DLC1: variants seen among roughly 807,000 people sequenced by gnomAD.
DLC1 encodes the protein rho GTPase-activating protein 7.
Under a neutral mutation model 140.3 loss-of-function variants are expected in DLC1, and 54 were observed. That is an observed-to-expected ratio of 0.38 (90% CI 0.31 to 0.48). DLC1 has a LOEUF of 0.48. Among genes scored for constraint, DLC1 ranks in the 20% least tolerant of loss-of-function variants. The pLI is 0.96. For synonymous variants in DLC1, 986 were observed against 728.1 expected (o/e 1.35, Z -5.70); for missense variants, 2,536 against 1,907.0 (o/e 1.33, Z -6.14).
intron 2 of DLC1, among the ~76,000 whole-genome samples, chr8:13,469,861 A>T (rs1236132314): frequency 6.6e-6 from 1 of 152,212 alleles, no homozygotes; most frequent in East Asian, 1.9e-4. Flanking sequence ...GAGAAAGCAC[A>T]TATTATGAAG....
chr8:13,224,695 C>G (rs993751739), intron 5 of DLC1, among the ~76,000 whole-genome samples: 1 of 152,156 alleles, frequency 6.6e-6, no homozygotes, highest in Admixed American at 6.5e-5. Context: ...CTAAACAATA[C>G]TTCCCCTCTC....
chr8:13,511,765 T>C (rs1255185849), intron 1 of DLC1, among the ~76,000 whole-genome samples: 1 of 152,160 alleles, frequency 6.6e-6, no homozygotes, highest in Non-Finnish European at 1.5e-5. Context: ...ATCCCTGATC[T>C]AGATCTTGGT....
At chr8:13,542,228 C>G (rs1177559977) in intron 1 of DLC1, among the ~76,000 whole-genome samples, 1 of 152,136 alleles carries the variant, frequency 6.6e-6, no homozygotes, top group African/African-American at 2.4e-5. Flanking sequence ...TATTTAGAGA[C>G]TGTCTGTGGT....
chr8:13,451,127 G>A (rs1234341904), intron 2 of DLC1, among the ~76,000 whole-genome samples: 1 of 140,632 alleles, frequency 7.1e-6, no homozygotes, highest in Non-Finnish European at 1.5e-5. Flanking sequence ...ACGAAATAAA[G>A]TAAGAGTAAA....
intron 2 of DLC1, among the ~76,000 whole-genome samples, chr8:13,496,122 A>G (rs1399505092): frequency 6.6e-6 from 1 of 152,202 alleles, no homozygotes; most frequent in Non-Finnish European, 1.5e-5. Flanking sequence ...ACCATTTGCC[A>G]CTGCATTCCC....
At chr8:13,555,328 G>T (rs1185854821) in intron 1 of DLC1, among the ~76,000 whole-genome samples, 2 of 148,184 alleles carry the variant, frequency 1.3e-5, no homozygotes, top group Non-Finnish European at 3.0e-5. Context: ...TTTCTTGTAT[G>T]TTTTTTTTTT....
intron 4 of DLC1, among the ~76,000 whole-genome samples, chr8:13,386,844 A>G (rs1042738471): frequency 1.8e-4 from 27 of 152,056 alleles, no homozygotes; most frequent in African/African-American, 6.3e-4. Context: ...TTAAAAAGCT[A>G]TAAATTTTGC....
At chr8:13,105,819 C>A (rs1819519460) in intron 7 of DLC1, among the ~76,000 whole-genome samples, 1 of 152,160 alleles carries the variant, frequency 6.6e-6, no homozygotes, top group Non-Finnish European at 1.5e-5. Context: ...CTCAGGCAAT[C>A]CGCTCATCTC....
intron 4 of DLC1, among the ~76,000 whole-genome samples, chr8:13,384,377 C>T (rs532551115): frequency 4.1e-5 from 5 of 122,594 alleles, no homozygotes; most frequent in Admixed American, 1.5e-4. Flanking sequence ...TGTGAGCGTG[C>T]GCGTGTGTGT....
chr8:13,206,540 C>T (rs988949849), intron 5 of DLC1, among the ~76,000 whole-genome samples: 4 of 151,886 alleles, frequency 2.6e-5, no homozygotes, highest in African/African-American at 9.7e-5. Context: ...GTAAATGGCT[C>T]GTTTAACAAA....
intron 4 of DLC1, among the ~76,000 whole-genome samples, chr8:13,375,922 A>G (rs1835961523): frequency 6.6e-6 from 1 of 152,320 alleles, no homozygotes. Flanking sequence ...AACATCGGCT[A>G]CAAAATATCA....
chr8:13,456,440 T>G (rs1799392883), intron 2 of DLC1, among the ~76,000 whole-genome samples: 1 of 149,576 alleles, frequency 6.7e-6, no homozygotes, highest in African/African-American at 2.5e-5. Flanking sequence ...AACATACTTC[T>G]ACTTCCTTTT....
intron 8 of DLC1, among the ~76,000 whole-genome samples, chr8:13,102,094 G>C (rs1819142128): frequency 6.6e-6 from 1 of 152,096 alleles, no homozygotes. Context: ...CAGGGATTCT[G>C]GCATAATTAA....
chr8:13,171,377 G>A (rs2116928663), intron 5 of DLC1, among the ~76,000 whole-genome samples: 1 of 152,198 alleles, frequency 6.6e-6, no homozygotes, highest in African/African-American at 2.4e-5. Context: ...TTCTGTAGGT[G>A]CCCTACTTCC....
At chr8:13,451,755 A>G (rs1799069600) in intron 2 of DLC1, among the ~76,000 whole-genome samples, 1 of 152,128 alleles carries the variant, frequency 6.6e-6, no homozygotes, top group East Asian at 1.9e-4. Flanking sequence ...CATGTTCTTT[A>G]TTCATTCATG....
At chr8:13,176,849 A>T (rs1422248301) in intron 5 of DLC1, among the ~76,000 whole-genome samples, 1 of 152,132 alleles carries the variant, frequency 6.6e-6, no homozygotes, top group African/African-American at 2.4e-5. Context: ...CATGTGAACA[A>T]ATGAGATAGA....
chr8:13,448,343 A>T (rs1798882867), intron 2 of DLC1, among the ~76,000 whole-genome samples: 1 of 140,310 alleles, frequency 7.1e-6, no homozygotes, highest in Non-Finnish European at 1.6e-5. Flanking sequence ...TATCTTTTAA[A>T]ATTTCTTCTT....
At chr8:13,112,899 G>T (rs1446169196) in intron 6 of DLC1, among the ~76,000 whole-genome samples, 1 of 151,946 alleles carries the variant, frequency 6.6e-6, no homozygotes, top group Non-Finnish European at 1.5e-5. Context: ...TGATATTAAG[G>T]AATATTTTTT....
At chr8:13,564,663 G>C (rs1332922215) in intron 1 of DLC1, among the ~76,000 whole-genome samples, 2 of 152,172 alleles carry the variant, frequency 1.3e-5, no homozygotes, top group East Asian at 1.9e-4. Context: ...CATAGGAAAG[G>C]AAAGCAAGAG....
Sources: gnomAD v4.1 joint callset for allele counts (sites outside exome capture counted in the v4.1 genomes callset) on GRCh38, gnomAD v4.1.1 for gene constraint, MANE v1.5 for transcripts, NCBI Gene and HGNC (gene_info 2026-07-23, HGNC 2026-07-21) for gene names.